ZEB1: variants seen among roughly 807,000 people sequenced by gnomAD.
ZEB1 encodes the protein zinc finger E-box binding homeobox 1, also known as zinc finger E-box-binding homeobox 1.
In ZEB1, 21 loss-of-function variants were observed where a neutral mutation model predicts 84.9. That is an observed-to-expected ratio of 0.25 (90% confidence interval 0.18 to 0.36). The LOEUF is 0.36. ZEB1 is among the 10% of genes least tolerant of loss of function. The pLI is 1.00. For missense variants in ZEB1, 1,104 were observed against 1,330.2 expected (o/e 0.83, Z 2.65); for synonymous variants, 420 against 471.1 (o/e 0.89, Z 1.41).
chr10:31,412,733 C>T (rs2054536326), intron 1 of ZEB1, among the ~76,000 whole-genome samples: 1 of 152,044 alleles, frequency 6.6e-6, no homozygotes, highest in South Asian at 2.1e-4. Flanking sequence ...TTTTTATTTC[C>T]TTGGTTTCAG....
intron 1 of ZEB1, among the ~76,000 whole-genome samples, chr10:31,406,943 A>T (rs1411661355): frequency 6.6e-6 from 1 of 152,160 alleles, no homozygotes; most frequent in Non-Finnish European, 1.5e-5. Flanking sequence ...CATTTATTAA[A>T]TAGGGAATCC....
At chr10:31,387,742 G>A in intron 1 of ZEB1, 1 of 984,918 alleles carries the variant, frequency 1.0e-6, no homozygotes, top group Non-Finnish European at 1.2e-6. Context: ...AAACCATTTT[G>A]TATTCTGTAT....
intron 1 of ZEB1, among the ~76,000 whole-genome samples, chr10:31,456,786 T>C (rs912791283): frequency 8.2e-4 from 125 of 152,200 alleles, no homozygotes; most frequent in African/African-American, 2.9e-3. Context: ...ACCAAGCTAA[T>C]AGTAGTAGCA....
rs115584575 is a variant in ZEB1, at chr10:31,512,254, C to T, written c.687+1379C>T. ...ATATTCCCTCTACTCCAAGGGCCATCGTGAAAGGAGAGGACAGATTGAACT... is the reference window on the plus strand; with the variant it reads ...ATATTCCCTCTACTCCAAGGGCCATTGTGAAAGGAGAGGACAGATTGAACT... On this transcript the variant is annotated intron_variant, in intron 5 of 8. Transcript: ENST00000424869. Among the ~76,000 whole-genome samples, 843 of 152,234 alleles carry T rather than the reference C, an allele frequency of 5.5e-3. 11 individuals are homozygous for T. Among genetic ancestry groups the T allele is most frequent in the African/African-American group, 0.019 (790 of 41,524 alleles).
At chr10:31,472,870 G>T (rs1213112781) in intron 2 of ZEB1, among the ~76,000 whole-genome samples, 1 of 128,756 alleles carries the variant, frequency 7.8e-6, no homozygotes, top group Admixed American at 7.0e-5. Context: ...ATGATCAAGT[G>T]GGCTTCATCC....
chr10:31,425,012 G>GA (rs948756241), intron 1 of ZEB1, among the ~76,000 whole-genome samples: 1 of 151,574 alleles, frequency 6.6e-6, no homozygotes. Flanking sequence ...TTTTAAATGG[G>GA]AAAAAAACTC....
intron 1 of ZEB1, among the ~76,000 whole-genome samples, chr10:31,343,625 T>C (rs1248758452): frequency 1.8e-4 from 28 of 152,084 alleles, no homozygotes. Flanking sequence ...CTTAGGAAAT[T>C]CAGAGTTAAT....
chr10:31,462,985 GA>G (rs941059876), intron 2 of ZEB1, among the ~76,000 whole-genome samples: 6 of 152,270 alleles, frequency 3.9e-5, no homozygotes, highest in Admixed American at 2.0e-4. Flanking sequence ...CAGGTTTCTA[GA>G]AAGTGAGACT....
intron 3 of ZEB1, among the ~76,000 whole-genome samples, chr10:31,500,260 T>G (rs1055108750): frequency 6.6e-6 from 1 of 152,148 alleles, no homozygotes; most frequent in African/African-American, 2.4e-5. Flanking sequence ...TGCCACTGAT[T>G]TGTTCTGCTT....
intron 1 of ZEB1, among the ~76,000 whole-genome samples, chr10:31,371,006 TC>T (rs2045603211): frequency 6.6e-6 from 1 of 152,150 alleles, no homozygotes. Flanking sequence ...GGCGTGAGCC[TC>T]CATGCCTGGC....
At chr10:31,423,516 C>T (rs1052695380) in intron 1 of ZEB1, among the ~76,000 whole-genome samples, 1 of 151,990 alleles carries the variant, frequency 6.6e-6, no homozygotes, top group African/African-American at 2.4e-5. Flanking sequence ...TCAAATTATT[C>T]CAGTAACAAA....
chr10:31,338,662 G>A (rs1451269001), intron 1 of ZEB1, among the ~76,000 whole-genome samples: 1 of 152,102 alleles, frequency 6.6e-6, no homozygotes, highest in Non-Finnish European at 1.5e-5. Flanking sequence ...ATTACACACT[G>A]CTGGACATTG....
At chr10:31,475,427 G>C (rs1422875393) in intron 2 of ZEB1, among the ~76,000 whole-genome samples, 1 of 152,084 alleles carries the variant, frequency 6.6e-6, no homozygotes, top group East Asian at 1.9e-4. Flanking sequence ...TAGACATCAA[G>C]ATACAAGAAA....
intron 1 of ZEB1, among the ~76,000 whole-genome samples, chr10:31,349,505 C>T (rs1590177029): frequency 6.6e-6 from 1 of 152,134 alleles, no homozygotes; most frequent in East Asian, 1.9e-4. Context: ...TACTGTTTTC[C>T]ATAGTGGCTG....
chr10:31,458,840 G>T (rs1207492948), intron 1 of ZEB1, among the ~76,000 whole-genome samples: 1 of 152,118 alleles, frequency 6.6e-6, no homozygotes, highest in Non-Finnish European at 1.5e-5. Context: ...CTGTATGATA[G>T]AATGCTGTGT....
Position 31,520,737 on chromosome 10 carries a change from G to A in ZEB1, c.1405G>A (p.Asp469Asn). The A allele has an allele frequency of 6.2e-7, 1 of 1,614,064 alleles. No individual in the cohort carries two copies. The highest frequency in any genetic ancestry group is 8.5e-7 in the Non-Finnish European group (1 of 1,179,986). Reference protein sequence around the residue: ...SAISLPLVDQDGTTKIIINYS... With the variant: ...SAISLPLVDQNGTTKIIINYS... ...CATCAGTCTTCCTTTGGTTGATCAAGATGGAACAACCAAAATTATCATCAA... is the reference window on the plus strand; with the variant it reads ...CATCAGTCTTCCTTTGGTTGATCAAAATGGAACAACCAAAATTATCATCAA... The change falls in exon 7 of 9, where the codon GAT becomes AAT. Residue 469 changes from aspartate (D) to asparagine (N), a missense_variant. Coordinates refer to ENST00000424869, the MANE Select transcript of ZEB1 (RefSeq NM_001174096.2). This position sits in a 1 kb window ranked among gnomAD's most constrained non-coding sequence, Gnocchi z 5.1.
intron 1 of ZEB1, among the ~76,000 whole-genome samples, chr10:31,370,617 G>C (rs1462311499): frequency 6.6e-6 from 1 of 152,154 alleles, no homozygotes; most frequent in Non-Finnish European, 1.5e-5. Context: ...TTTATGAATT[G>C]ACTTTTTGCA....
intron 1 of ZEB1, among the ~76,000 whole-genome samples, chr10:31,384,807 G>A (rs537959619): frequency 6.6e-6 from 1 of 152,146 alleles, no homozygotes; most frequent in African/African-American, 2.4e-5. Context: ...TAGGGAGTTT[G>A]TTTTCCCTTT....
chr10:31,497,347 A>T (rs1344234039), intron 3 of ZEB1, among the ~76,000 whole-genome samples: 1 of 152,132 alleles, frequency 6.6e-6, no homozygotes, highest in Non-Finnish European at 1.5e-5. Context: ...TTCAGTTTGA[A>T]GTACTGAATA....
Sources: allele counts gnomAD v4.1 joint callset (sites outside exome capture counted in the v4.1 genomes callset), GRCh38; gene constraint gnomAD v4.1.1; non-coding constraint Gnocchi (gnomAD v3.1); transcripts MANE v1.5; gene names NCBI Gene and HGNC (gene_info 2026-07-23, HGNC 2026-07-21).